The following CTNNBIP1 variants were observed in gnomAD, a reference collection of about 807,000 sequenced individuals.
CTNNBIP1 encodes the protein beta-catenin-interacting protein 1.
In CTNNBIP1, 7 loss-of-function variants were observed where a neutral mutation model predicts 11.8. The observed-to-expected ratio is 0.60, with a 90% CI of 0.34 to 1.12. The LOEUF (loss-of-function observed/expected upper bound fraction) is 1.12. CTNNBIP1 is among the 50% of genes most tolerant of loss of function. CTNNBIP1 has a pLI of 0.03. For missense variants in CTNNBIP1, 101 were observed against 113.4 expected (o/e 0.89, Z 0.50); for synonymous variants, 58 against 43.9 (o/e 1.32, Z -1.26).
chr1:9,898,306 A>C (rs1639451274), intron 1 of CTNNBIP1, among the ~76,000 whole-genome samples: 1 of 152,098 alleles, frequency 6.6e-6, no homozygotes, highest in African/African-American at 2.4e-5. Flanking sequence ...TGGGCGCATC[A>C]CGAGGTCAGG....
chr1:9,854,640 G>A (rs1368404047), intron 5 of CTNNBIP1, among the ~76,000 whole-genome samples: 1 of 151,814 alleles, frequency 6.6e-6, no homozygotes, highest in Non-Finnish European at 1.5e-5. Context: ...TAGATGACAT[G>A]ATCTTATATG....
At chr1:9,905,489 C>A (rs2101550162) in intron 1 of CTNNBIP1, among the ~76,000 whole-genome samples, 1 of 151,832 alleles carries the variant, frequency 6.6e-6, no homozygotes, top group South Asian at 2.1e-4. Flanking sequence ...GTGGCACGAT[C>A]TTGGCTCACT....
At chr1:9,906,570 T>A (rs60850544) in intron 1 of CTNNBIP1, among the ~76,000 whole-genome samples, 36,930 of 150,100 alleles carry the variant, frequency 0.25, 6,253 homozygotes, top group African/African-American at 0.49. Context: ...AAAAAAAAAA[T>A]AATAATAAAG....
rs190112085 is a variant in CTNNBIP1, at chr1:9,871,389, C to T, written c.97-112G>A. The T allele has an allele frequency of 5.6e-4, 442 of 787,180 alleles. 1 individual carries two copies. The African/African-American group carries it at 6.2e-3, about 11-fold the overall frequency. The allele number at this position is 787,180 out of a possible 1,614,324, so 48.8% of individuals were successfully genotyped here. A position where few individuals can be genotyped will look rare whatever the true frequency, so the allele number is the denominator to read the frequency against. On this transcript the variant is annotated intron_variant, in intron 4 of 5. Transcript: ENST00000377263. The surrounding 1 kb of genome is among the most constrained non-coding windows in gnomAD (Gnocchi z 5.2). Reference sequence around the variant, plus strand: ...GCTTGGTCCCTGCTTGGTCCCTGCTCGGGCTTCTGTTTCTGAGATTTGACC... The same window carrying T: ...GCTTGGTCCCTGCTTGGTCCCTGCTTGGGCTTCTGTTTCTGAGATTTGACC...
intron 5 of CTNNBIP1, among the ~76,000 whole-genome samples, chr1:9,870,227 C>T (rs557315177): frequency 1.3e-5 from 2 of 152,322 alleles, no homozygotes; most frequent in South Asian, 2.1e-4. Context: ...GGGGCCCGCT[C>T]GCGTCTGGAC....
rs1472254110 is a variant in CTNNBIP1 at position 9,850,065 on chromosome 1, C to T, written c.*653G>A. On this transcript the variant is annotated 3_prime_UTR_variant, in exon 6 of 6. Transcript: ENST00000377263. The stretch of plus-strand genomic sequence containing the variant: ...GAGTCACAGGTGAACCAATGGGAAA[C>T]CAAACACACGCATCGAAAGCCAATC... 6.6e-6 allele frequency: 1 copy of T among 152,632 alleles called. No homozygotes were observed. Among genetic ancestry groups the T allele is most frequent in the Non-Finnish European group, 1.5e-5 (1 of 68,076 alleles). 9.5% of individuals were successfully genotyped at this position (152,632 alleles called of 1,614,324 possible). A position where few individuals can be genotyped will look rare whatever the true frequency, so the allele number is the denominator to read the frequency against.
chr1:9,898,679 C>T (rs1457134511), intron 1 of CTNNBIP1, among the ~76,000 whole-genome samples: 1 of 152,012 alleles, frequency 6.6e-6, no homozygotes, highest in Non-Finnish European at 1.5e-5. Context: ...GCAAACAATA[C>T]ACAGTTGTCC....
At chr1:9,885,408 C>A (rs970303191) in intron 1 of CTNNBIP1, among the ~76,000 whole-genome samples, 2 of 152,048 alleles carry the variant, frequency 1.3e-5, no homozygotes, top group Admixed American at 6.6e-5. Flanking sequence ...ACCTCAAGGG[C>A]AGGTTGTGAA....
At chr1:9,850,870 G>A (rs1044458307) in intron 5 of CTNNBIP1, 94 bp from the exon 6 acceptor site, 97 of 1,159,314 alleles carry the variant, frequency 8.4e-5, no homozygotes, top group Middle Eastern at 1.9e-4. Context: ...TGGAGCCCCC[G>A]CCCACCAGGA....
intron 1 of CTNNBIP1, among the ~76,000 whole-genome samples, chr1:9,891,117 A>G (rs72858042): frequency 0.13 from 19,388 of 150,952 alleles, 4,145 homozygotes; most frequent in African/African-American, 0.44. Flanking sequence ...GTACTTCAAG[A>G]AGAAAGGGGG....
chr1:9,860,032 C>T (rs896737838), intron 5 of CTNNBIP1, among the ~76,000 whole-genome samples: 2 of 152,202 alleles, frequency 1.3e-5, no homozygotes, highest in South Asian at 2.1e-4. Context: ...TGACCTCTTA[C>T]CCCAGGGAAC....
intron 5 of CTNNBIP1, among the ~76,000 whole-genome samples, chr1:9,868,135 T>C (rs915379733): frequency 8.5e-5 from 13 of 152,176 alleles, no homozygotes; most frequent in Non-Finnish European, 1.8e-4. Flanking sequence ...TCTGTGTGGC[T>C]CAGGCCCCGG....
At chr1:9,900,286 T>G (rs1639496867) in intron 1 of CTNNBIP1, among the ~76,000 whole-genome samples, 1 of 151,762 alleles carries the variant, frequency 6.6e-6, no homozygotes, top group Non-Finnish European at 1.5e-5. Context: ...TCCCAACTAC[T>G]TGGGAGGCCG....
At chr1:9,857,115 C>T (rs1638520638) in intron 5 of CTNNBIP1, among the ~76,000 whole-genome samples, 1 of 150,126 alleles carries the variant, frequency 6.7e-6, no homozygotes, top group South Asian at 2.1e-4. Context: ...GAGTGAGATG[C>T]CATCTCAAAA....
At chr1:9,884,294 G>A (rs775255017) in intron 1 of CTNNBIP1, among the ~76,000 whole-genome samples, 15 of 152,146 alleles carry the variant, frequency 9.9e-5, no homozygotes, top group Non-Finnish European at 2.1e-4. Context: ...AGCCAGCCAG[G>A]CTTTCACCAG....
At chr1:9,882,314 CA>C (rs1229078586) in intron 2 of CTNNBIP1, among the ~76,000 whole-genome samples, 5 of 152,228 alleles carry the variant, frequency 3.3e-5, no homozygotes, top group Non-Finnish European at 4.4e-5. Context: ...CCACGGCTCA[CA>C]TGTGATGAGA....
chr1:9,857,988 A>G (rs1245354968), intron 5 of CTNNBIP1, among the ~76,000 whole-genome samples: 1 of 152,130 alleles, frequency 6.6e-6, no homozygotes, highest in Non-Finnish European at 1.5e-5. Flanking sequence ...AGTCTTTCCC[A>G]TCTCAGCTGA....
rs1172320276 is a variant in CTNNBIP1 at position 9,875,860 on chromosome 1, A to C, written c.-25+2045T>G. ...TGGCTTACATAATTCTCTCCTCTGC[A>C]GTAAGGGTGTCAGTGTGGAGCAAAC... On this transcript the variant is annotated intron_variant, in intron 3 of 5. Transcript: ENST00000377263. Among the ~76,000 whole-genome samples the C allele has an allele frequency of 2.6e-5, 4 of 152,236 alleles. No individual in the cohort carries two copies. The East Asian group carries it at 7.7e-4, about 29-fold the overall frequency.
At chr1:9,905,762 ATTTG>A (rs1374069019) in intron 1 of CTNNBIP1, among the ~76,000 whole-genome samples, 1 of 152,002 alleles carries the variant, frequency 6.6e-6, no homozygotes, top group Non-Finnish European at 1.5e-5. Context: ...TGACTCGTTT[ATTTG>A]TTTACTATCT....
Sources: allele counts gnomAD v4.1 joint callset (sites outside exome capture counted in the v4.1 genomes callset), GRCh38; gene constraint gnomAD v4.1.1; non-coding constraint Gnocchi (gnomAD v3.1); transcripts MANE v1.5; gene names NCBI Gene and HGNC (gene_info 2026-07-23, HGNC 2026-07-21).